The following TRIM71 variants were observed in gnomAD, a reference collection of about 807,000 sequenced individuals.
TRIM71 encodes E3 ubiquitin-protein ligase TRIM71.
A neutral mutation model predicts 61.2 loss-of-function variants in TRIM71; 9 were observed. That is an observed-to-expected ratio of 0.15 (90% CI 0.09 to 0.26). The LOEUF (loss-of-function observed/expected upper bound fraction) is 0.26. TRIM71 is among the 10% of genes least tolerant of loss of function. The probability of loss-of-function intolerance (pLI) is 1.00; values close to 1 mark genes in which losing one functional copy is unlikely to be tolerated. For missense variants in TRIM71, 998 were observed against 1,238.7 expected (o/e 0.81, Z 2.92); for synonymous variants, 645 against 553.2 (o/e 1.17, Z -2.33).
intron 1 of TRIM71, among the ~76,000 whole-genome samples, chr3:32,868,579 T>C (rs1696763699): frequency 6.6e-6 from 1 of 151,548 alleles, no homozygotes. Context: ...TCCAAGTTAA[T>C]ATAGTTAAGA....
chr3:32,889,972 C>T (rs1697006787), intron 3 of TRIM71, among the ~76,000 whole-genome samples: 2 of 151,904 alleles, frequency 1.3e-5, no homozygotes, highest in Non-Finnish European at 2.9e-5. Flanking sequence ...AAACACAATG[C>T]CTTTACCCCT....
chr3:32,845,125 C>A (rs1696457130), intron 1 of TRIM71, among the ~76,000 whole-genome samples: 1 of 152,114 alleles, frequency 6.6e-6, no homozygotes, highest in Non-Finnish European at 1.5e-5. Flanking sequence ...GAACAGGAGC[C>A]ACCTGGAGGC....
chr3:32,840,908 A>G (rs569353535), intron 1 of TRIM71, among the ~76,000 whole-genome samples: 2 of 152,262 alleles, frequency 1.3e-5, no homozygotes, highest in South Asian at 2.1e-4. Flanking sequence ...TAAGTGAGCC[A>G]GCTTTTATCT....
intron 1 of TRIM71, among the ~76,000 whole-genome samples, chr3:32,826,318 C>T (rs939528509): frequency 7.2e-5 from 11 of 152,142 alleles, no homozygotes; most frequent in Admixed American, 1.3e-4. Flanking sequence ...ATTAGCCGGA[C>T]GAATCCCAGC....
intron 3 of TRIM71, among the ~76,000 whole-genome samples, chr3:32,886,633 G>A (rs1385200040): frequency 6.6e-6 from 1 of 152,218 alleles, no homozygotes; most frequent in East Asian, 1.9e-4. Flanking sequence ...TCAGAAAGGA[G>A]GAGAGTTAGG....
intron 1 of TRIM71, among the ~76,000 whole-genome samples, chr3:32,836,067 T>C (rs1432778606): frequency 6.6e-6 from 1 of 152,202 alleles, no homozygotes; most frequent in Non-Finnish European, 1.5e-5. Context: ...TGCTCATCCT[T>C]GTGTCCCTGT....
Position 32,818,409 on chromosome 3 carries a change from C to T in TRIM71, c.329C>T (p.Pro110Leu). 6.8e-7 allele frequency: 1 copy of T among 1,477,372 alleles called. No homozygotes were observed. The highest frequency in any genetic ancestry group is 8.9e-7 in the Non-Finnish European group (1 of 1,118,480). The allele number at this position is 1,477,372 out of a possible 1,614,324, so 91.5% of individuals were successfully genotyped here. A position where few individuals can be genotyped will look rare whatever the true frequency, so the allele number is the denominator to read the frequency against. ...GAGGCGGCGGGTATGGACGCGCTGCCTTCGTCCGCCTTCCTGCTTAGCAAC... is the reference window on the plus strand; with the variant it reads ...GAGGCGGCGGGTATGGACGCGCTGCTTTCGTCCGCCTTCCTGCTTAGCAAC... ...LAEAAGMDALPSSAFLLSNLL... is the reference protein window; with the variant it reads ...LAEAAGMDALLSSAFLLSNLL... Residue 110 changes from proline to leucine, a missense_variant, in exon 1 of 4, where the codon CCT (proline) becomes CTT (leucine). By Grantham distance (98) the Pro-to-Leu change is moderately conservative. This residue lies in a region of TRIM71 where 527 missense variants were observed against 427.8 expected (regional missense o/e 1.23). Coordinates refer to ENST00000383763, the MANE Select transcript of TRIM71 (RefSeq NM_001039111.3).
In TRIM71 at chr3:32,885,954, G is replaced by A. The variant is rs1295756408; in HGVS notation, c.1041G>A (p.Gln347=). Residue 347 remains glutamine (Q), a synonymous_variant, in exon 3 of 4, where the codon CAG becomes CAA. Transcript: ENST00000383763. The stretch of plus-strand genomic sequence containing the variant: ...TCCAGCTGAGCATCGAGCAGGCCCA[G>A]ACGGTGGCGGAACAGGTGGAGATGA... ...QAIQLSIEQA[Q]TVAEQVEMKA... 3.7e-6 allele frequency: 6 copies of A among 1,614,138 alleles called. No homozygotes were observed. Among genetic ancestry groups the A allele is most frequent in the Non-Finnish European group, 5.1e-6 (6 of 1,180,010 alleles).
At chr3:32,846,821 A>G (rs1030662142) in intron 1 of TRIM71, among the ~76,000 whole-genome samples, 1 of 152,204 alleles carries the variant, frequency 6.6e-6, no homozygotes, top group Non-Finnish European at 1.5e-5. Context: ...TTCACTTAGC[A>G]TAATAACCTC....
In TRIM71 at chr3:32,883,249, T is replaced by C. The variant is rs74521110; in HGVS notation, c.1021-2685T>C. Among the ~76,000 whole-genome samples, 41 of 152,364 alleles carry C rather than the reference T, an allele frequency of 2.7e-4. No individual in the cohort carries two copies. The East Asian group carries it at 7.7e-3, about 29-fold the overall frequency. On this transcript the variant is annotated intron_variant, in intron 2 of 3. Coordinates refer to ENST00000383763, the MANE Select transcript of TRIM71 (RefSeq NM_001039111.3). ...GCTTGGCCATTCTGATTTTTTAACT[T>C]TTAGGTAATGTGGATGTAATATCTG...
At chr3:32,841,956 AGTTCTTGGAACTCACGCCATACAC>A (rs1230791423) in intron 1 of TRIM71, among the ~76,000 whole-genome samples, 4 of 152,184 alleles carry the variant, frequency 2.6e-5, no homozygotes, top group African/African-American at 9.7e-5. Flanking sequence ...GCCAGGGTGC[AGTTCTTGGAACTCACGCCATACAC>A]CTAGGAACAA....
At chr3:32,833,378 G>T (rs890899341) in intron 1 of TRIM71, among the ~76,000 whole-genome samples, 6 of 152,014 alleles carry the variant, frequency 3.9e-5, no homozygotes, top group Non-Finnish European at 2.9e-5. Flanking sequence ...GAACAAAATA[G>T]TCCCACATCC....
chr3:32,829,471 C>T (rs1378042706), intron 1 of TRIM71, among the ~76,000 whole-genome samples: 1 of 152,120 alleles, frequency 6.6e-6, no homozygotes, highest in African/African-American at 2.4e-5. Context: ...GCCACGATGC[C>T]CTGCTGTCAC....
At position 32,818,060 on chromosome 3, in the gene TRIM71, C is replaced by T; in HGVS notation, c.-21C>T. ...CTCCTCTTCCTCTCTGGTCTCCTCC[C>T]TCCTCCGGGCTGGGTTGCAAATGGC... On this transcript the variant is annotated 5_prime_UTR_variant, in exon 1 of 4. Coordinates refer to ENST00000383763, the MANE Select transcript of TRIM71 (RefSeq NM_001039111.3). 3 of 1,608,808 alleles carry T rather than the reference C, an allele frequency of 1.9e-6. No homozygotes were observed. The highest frequency in any genetic ancestry group is 1.1e-5 in the South Asian group (1 of 90,964).
intron 1 of TRIM71, among the ~76,000 whole-genome samples, chr3:32,859,060 C>T (rs1696637651): frequency 6.6e-6 from 1 of 152,110 alleles, no homozygotes; most frequent in African/African-American, 2.4e-5. Context: ...GGCTTCGTGA[C>T]CTGCTCAGTC....
rs555884950 is a variant in TRIM71 at position 32,844,199 on chromosome 3, T to C, written c.852+25267T>C. ...GCTCCCTACCCCATGGAGATTCTGATTCTCTAAAACTGGGGTGGGGCTCAA... is the reference window on the plus strand; with the variant it reads ...GCTCCCTACCCCATGGAGATTCTGACTCTCTAAAACTGGGGTGGGGCTCAA... On this transcript the variant is annotated intron_variant, in intron 1 of 3. Transcript: ENST00000383763. Among the ~76,000 whole-genome samples, 6 of 152,244 alleles carry C rather than the reference T, an allele frequency of 3.9e-5. No homozygotes were observed. In the East Asian group the frequency reaches 1.2e-3, roughly 29 times the overall value.
At chr3:32,882,016 C>T (rs1261103613) in intron 2 of TRIM71, among the ~76,000 whole-genome samples, 1 of 152,144 alleles carries the variant, frequency 6.6e-6, no homozygotes, top group Non-Finnish European at 1.5e-5. Flanking sequence ...CAATTTTTGT[C>T]ATAAAATGTG....
At chr3:32,885,877 G>T in intron 2 of TRIM71, 57 bp from the exon 3 acceptor site, 2 of 1,572,760 alleles carry the variant, frequency 1.3e-6, no homozygotes, top group African/African-American at 1.4e-5. Flanking sequence ...CAAATGTTTT[G>T]TATAAGGAAT....
rs1697057636 is a variant in TRIM71, at chr3:32,894,319, G to A, written c.*2508G>A. The A allele has an allele frequency of 6.6e-6, 1 of 151,954 alleles. No homozygotes were observed. The highest frequency in any genetic ancestry group is 1.5e-5 in the Non-Finnish European group (1 of 68,000). The allele number at this position is 151,954 out of a possible 1,614,324, so 9.4% of individuals were successfully genotyped here. On this transcript the variant is annotated 3_prime_UTR_variant, in exon 4 of 4. Transcript: ENST00000383763. The stretch of plus-strand genomic sequence containing the variant: ...TTTCCCCAGATGTAGGAAAATTTTG[G>A]GACCTGAATGAGAAATGTTCTTGGT...
Sources: allele counts gnomAD v4.1 joint callset (sites outside exome capture counted in the v4.1 genomes callset), GRCh38; gene constraint gnomAD v4.1.1; regional missense constraint gnomAD v4.1.1; transcripts MANE v1.5; gene names NCBI Gene and HGNC (gene_info 2026-07-23, HGNC 2026-07-21).